The following MARCHF1 variants were observed in gnomAD, a reference collection of about 807,000 sequenced individuals.
MARCHF1 encodes the protein E3 ubiquitin-protein ligase MARCHF1.
A neutral mutation model predicts 54.2 loss-of-function variants in MARCHF1; 40 were observed. The observed-to-expected ratio is 0.74, with a 90% CI of 0.57 to 0.96. The LOEUF (loss-of-function observed/expected upper bound fraction) is 0.96. MARCHF1 is among the 40% of genes least tolerant of loss of function. The pLI is 0.00. For synonymous variants in MARCHF1, 236 were observed against 236.3 expected, an observed-to-expected ratio of 1.00 and a Z score of 0.01; for missense variants, 586 against 656.5, an observed-to-expected ratio of 0.89 and a Z score of 1.17.
chr4:163,989,954 A>C (rs929347380), intron 2 of MARCHF1, among the ~76,000 whole-genome samples: 1 of 152,216 alleles, frequency 6.6e-6, no homozygotes, highest in Non-Finnish European at 1.5e-5. Context: ...AGAGATCTTC[A>C]AAGTGATTTC....
At chr4:163,901,529 C>T (rs1247764337) in intron 3 of MARCHF1, among the ~76,000 whole-genome samples, 1 of 152,110 alleles carries the variant, frequency 6.6e-6, no homozygotes, top group Non-Finnish European at 1.5e-5. Context: ...TTCTGAAGCT[C>T]TATGGAGCAC....
chr4:163,704,078 G>C (rs1417520401), intron 4 of MARCHF1, among the ~76,000 whole-genome samples: 1 of 149,238 alleles, frequency 6.7e-6, no homozygotes, highest in South Asian at 2.1e-4. Flanking sequence ...TTGACTGAGG[G>C]ACATAATAAA....
intron 1 of MARCHF1, among the ~76,000 whole-genome samples, chr4:164,159,605 A>T (rs761648408): frequency 2.0e-5 from 3 of 152,170 alleles, no homozygotes; most frequent in Non-Finnish European, 4.4e-5. Context: ...CATGTAGCAG[A>T]TCATTACAGC....
chr4:164,165,096 G>T (rs1730336457), intron 1 of MARCHF1, among the ~76,000 whole-genome samples: 1 of 151,944 alleles, frequency 6.6e-6, no homozygotes, highest in Non-Finnish European at 1.5e-5. Flanking sequence ...TAGCCCAATG[G>T]TTCTGTGAAT....
intron 1 of MARCHF1, among the ~76,000 whole-genome samples, chr4:164,356,156 G>A (rs11100547): frequency 0.2 from 14,588 of 74,698 alleles, 2,893 homozygotes; most frequent in East Asian, 0.39. Context: ...GAACACTTTT[G>A]CACTGTTGGT....
chr4:163,867,814 C>CTT (rs34739113), intron 3 of MARCHF1, among the ~76,000 whole-genome samples: 2,082 of 130,992 alleles, frequency 0.016, 62 homozygotes, highest in Admixed American at 0.057. Flanking sequence ...CATCAATTTC[C>CTT]TTTTTTTTTT....
At chr4:164,263,567 C>CT (rs976000995) in intron 1 of MARCHF1, among the ~76,000 whole-genome samples, 1 of 151,918 alleles carries the variant, frequency 6.6e-6, no homozygotes, top group African/African-American at 2.4e-5. Flanking sequence ...CACCCTTATG[C>CT]TTTTTAAAGT....
chr4:164,112,851 A>G, intron 1 of MARCHF1, among the ~76,000 whole-genome samples: 1 of 152,104 alleles, frequency 6.6e-6, no homozygotes, highest in Non-Finnish European at 1.5e-5. Flanking sequence ...AATGTTTATC[A>G]ACACAATTTT....
intron 5 of MARCHF1, among the ~76,000 whole-genome samples, chr4:163,666,529 G>T (rs572176107): frequency 2.2e-4 from 33 of 152,172 alleles, no homozygotes; most frequent in South Asian, 2.1e-3. Context: ...CACACCATTT[G>T]CATCTCCATA....
intron 1 of MARCHF1, among the ~76,000 whole-genome samples, chr4:164,216,871 T>C (rs1336741693): frequency 6.6e-6 from 1 of 152,222 alleles, no homozygotes; most frequent in Admixed American, 6.5e-5. Context: ...AAGGTCAATA[T>C]GTACTATAAC....
At chr4:164,178,446 A>G (rs1730747543) in intron 1 of MARCHF1, among the ~76,000 whole-genome samples, 1 of 152,216 alleles carries the variant, frequency 6.6e-6, no homozygotes, top group Non-Finnish European at 1.5e-5. Flanking sequence ...CTGCAGGAAT[A>G]TGGAAAAGTC....
chr4:164,225,985 A>G (rs192840147), intron 1 of MARCHF1, among the ~76,000 whole-genome samples: 130 of 152,216 alleles, frequency 8.5e-4, no homozygotes, highest in African/African-American at 3.0e-3. Flanking sequence ...TAGTATATCA[A>G]GAAATGGCAA....
intron 5 of MARCHF1, among the ~76,000 whole-genome samples, chr4:163,683,466 C>T (rs535091007): frequency 3.6e-4 from 55 of 152,166 alleles, no homozygotes; most frequent in African/African-American, 1.3e-3. Flanking sequence ...AGCCAAACCA[C>T]GTCAATGATC....
intron 1 of MARCHF1, among the ~76,000 whole-genome samples, chr4:164,146,406 T>G (rs1729740661): frequency 6.6e-6 from 1 of 151,990 alleles, no homozygotes; most frequent in Non-Finnish European, 1.5e-5. Context: ...GGCATCACAC[T>G]ACCTGACTTC....
chr4:163,669,484 T>C (rs927411050), intron 5 of MARCHF1, among the ~76,000 whole-genome samples: 20 of 152,158 alleles, frequency 1.3e-4, no homozygotes, highest in Admixed American at 1.2e-3. Context: ...CAGGGTGTAT[T>C]TTCCAGGACT....
chr4:163,911,273 G>A (rs13127608), intron 3 of MARCHF1, among the ~76,000 whole-genome samples: 113,805 of 152,032 alleles, frequency 0.75, 42,675 homozygotes, highest in Middle Eastern at 0.82. Context: ...AGAAGAAACT[G>A]CACATACATG....
At chr4:164,191,268 T>C (rs190922883) in intron 1 of MARCHF1, among the ~76,000 whole-genome samples, 1 of 152,368 alleles carries the variant, frequency 6.6e-6, no homozygotes, top group Non-Finnish European at 1.5e-5. Context: ...CCTTATGCTG[T>C]GTTTGCACAA....
intron 5 of MARCHF1, among the ~76,000 whole-genome samples, chr4:163,651,497 C>G (rs1342762164): frequency 2.0e-5 from 3 of 150,134 alleles, no homozygotes; most frequent in Admixed American, 1.3e-4. Flanking sequence ...TTAATTCCTG[C>G]AGCTCTCTCT....
intron 2 of MARCHF1, among the ~76,000 whole-genome samples, chr4:164,002,657 G>T (rs950712834): frequency 1.3e-5 from 2 of 151,698 alleles, no homozygotes; most frequent in South Asian, 2.1e-4. Context: ...GAACGAAATA[G>T]TGTTTGAAAA....
Sources: allele counts gnomAD v4.1 joint callset (sites outside exome capture counted in the v4.1 genomes callset), GRCh38; gene constraint gnomAD v4.1.1; transcripts MANE v1.5; gene names NCBI Gene and HGNC (gene_info 2026-07-23, HGNC 2026-07-21).